Variants in PCSK1 observed in about 807,000 individuals in gnomAD.
PCSK1 encodes the protein neuroendocrine convertase 1.
Under a neutral mutation model 90.6 loss-of-function variants are expected in PCSK1, and 56 were observed. The observed-to-expected ratio is 0.62, with a 90% CI of 0.50 to 0.77. The LOEUF is 0.77. PCSK1 is among the 30% of genes least tolerant of loss of function. The pLI is 0.00. For synonymous variants in PCSK1, 348 were observed against 342.4 expected, an observed-to-expected ratio of 1.02 and a Z score of -0.18; for missense variants, 801 against 932.6, an observed-to-expected ratio of 0.86 and a Z score of 1.84.
intron 7 of PCSK1, 74 bp from the exon 8 acceptor site, chr5:96,411,060 C>A: frequency 9.7e-7 from 1 of 1,029,122 alleles, no homozygotes; most frequent in Non-Finnish European, 1.5e-6. Flanking sequence ...ATAAAATCCC[C>A]AACGACTACA....
In PCSK1 at chr5:96,408,246, G is replaced by C; in HGVS notation, c.1173C>G (p.Ile391Met). 1 of 1,613,996 alleles carries C rather than the reference G, an allele frequency of 6.2e-7. No individual in the cohort carries two copies. Among genetic ancestry groups the C allele is most frequent in the African/African-American group, 1.3e-5 (1 of 75,066 alleles). Residue 391 changes from isoleucine (I) to methionine (M), a missense_variant, in exon 9 of 14, where the codon ATC becomes ATG. Coordinates refer to ENST00000311106, the MANE Select transcript of PCSK1 (RefSeq NM_000439.5). The stretch of plus-strand genomic sequence containing the variant: ...ACTTTGCTTCCAGGGCCAGAGCGAA[G>C]ATGCCAGCAGCCAGAGGTGCAGAGG... ...TSASAPLAAG[I>M]FALALEANPN...
intron 2 of PCSK1, 53 bp from the exon 3 acceptor site, chr5:96,425,983 T>A (rs1424566822): frequency 7.1e-6 from 7 of 983,326 alleles, no homozygotes; most frequent in Non-Finnish European, 1.1e-5. Context: ...TACCTCTGTA[T>A]ACTTCCTCTA....
At chr5:96,411,885 C>T (rs538377235) in intron 7 of PCSK1, among the ~76,000 whole-genome samples, 182 of 152,336 alleles carry the variant, frequency 1.2e-3, no homozygotes, top group African/African-American at 4.3e-3. Context: ...TCTCAGCTCA[C>T]TGCTACCTCC....
At chr5:96,396,453 C>T (rs1231071988) in intron 12 of PCSK1, among the ~76,000 whole-genome samples, 7 of 150,664 alleles carry the variant, frequency 4.6e-5, no homozygotes, top group Admixed American at 1.3e-4. Flanking sequence ...TCCAGCTAGT[C>T]GGGAGGCTGA....
intron 2 of PCSK1, among the ~76,000 whole-genome samples, chr5:96,427,244 C>T (rs1468790028): frequency 6.6e-6 from 1 of 152,182 alleles, no homozygotes; most frequent in Non-Finnish European, 1.5e-5. Context: ...AGAGGAGGCA[C>T]TCTGCCGTCT....
intron 6 of PCSK1, chr5:96,412,858 G>A (rs948482296): frequency 4.4e-6 from 3 of 681,282 alleles, no homozygotes; most frequent in Non-Finnish European, 5.6e-6. Context: ...GAGAGGAAGT[G>A]GCCGTGATTG....
intron 5 of PCSK1, 57 bp from the exon 6 acceptor site, chr5:96,416,178 C>A: frequency 1.7e-6 from 2 of 1,191,932 alleles, no homozygotes. Context: ...ATTTGTTTTG[C>A]ATATGAATGA....
intron 1 of PCSK1, chr5:96,432,102 G>T (rs1301169337): frequency 6.5e-7 from 1 of 1,535,090 alleles, no homozygotes; most frequent in African/African-American, 1.4e-5. Context: ...GAACAAGAAA[G>T]AAATAGATCC....
At chr5:96,428,330 C>A (rs1761383822) in intron 2 of PCSK1, among the ~76,000 whole-genome samples, 1 of 152,102 alleles carries the variant, frequency 6.6e-6, no homozygotes, top group African/African-American at 2.4e-5. Context: ...TTCTAATTCT[C>A]CAGGTTGTCC....
At position 96,399,940 on chromosome 5, in the gene PCSK1, A is replaced by G; in HGVS notation, c.1430+13T>C. 3 of 1,589,814 alleles carry G rather than the reference A, an allele frequency of 1.9e-6. No homozygotes were observed. The highest frequency in any genetic ancestry group is 2.6e-6 in the Non-Finnish European group (3 of 1,157,998). On this transcript the variant is annotated intron_variant, in intron 10 of 13. Coordinates refer to ENST00000311106, the MANE Select transcript of PCSK1 (RefSeq NM_000439.5). ...TGGGCACACATGTGTTTAAAATTCC[A>G]GGAGATACTTACCTGGGCTCAAAGT...
intron 12 of PCSK1, among the ~76,000 whole-genome samples, chr5:96,396,568 A>AAG (rs1296409267): frequency 6.6e-6 from 1 of 152,002 alleles, no homozygotes; most frequent in African/African-American, 2.4e-5. Context: ...TCTCAAAAAA[A>AAG]AAAAAAAAAG....
At chr5:96,393,499 G>T in intron 13 of PCSK1, 121 bp from the exon 14 acceptor site, 1 of 1,174,292 alleles carries the variant, frequency 8.5e-7, no homozygotes, top group South Asian at 1.3e-5. Context: ...GGGGAGGGGA[G>T]AGAGTTCAAG....
Position 96,390,733 on chromosome 5 carries a change from A to G in PCSK1, c.*2268T>C, listed in dbSNP as rs1477154891. Reference sequence around the variant, plus strand: ...AAATATAGTTTAAAATTTCAAGGGAAATAGTATATAAGTTTTCTCTTTGAC... The same window carrying G: ...AAATATAGTTTAAAATTTCAAGGGAGATAGTATATAAGTTTTCTCTTTGAC... On this transcript the variant is annotated 3_prime_UTR_variant, in exon 14 of 14. Coordinates refer to ENST00000311106, the MANE Select transcript of PCSK1 (RefSeq NM_000439.5). 1 of 152,684 alleles carries G rather than the reference A, an allele frequency of 6.5e-6. No homozygotes were observed. The highest frequency in any genetic ancestry group is 1.5e-5 in the Non-Finnish European group (1 of 68,050). 9.5% of individuals were successfully genotyped at this position (152,684 alleles called of 1,614,324 possible). A position where few individuals can be genotyped will look rare whatever the true frequency, so the allele number is the denominator to read the frequency against.
intron 3 of PCSK1, among the ~76,000 whole-genome samples, chr5:96,424,925 T>C (rs1243992191): frequency 6.8e-6 from 1 of 147,242 alleles, no homozygotes; most frequent in East Asian, 2.0e-4. Context: ...ATCATGCCAT[T>C]GCACTCCAGC....
chr5:96,433,046 T>A lies in PCSK1; in HGVS notation c.-4A>T. On this transcript the variant is annotated 5_prime_UTR_variant, in exon 1 of 14. Coordinates refer to ENST00000311106, the MANE Select transcript of PCSK1 (RefSeq NM_000439.5). Reference sequence around the variant, plus strand: ...GACTCCAGGCTCTTCGCTCCATAGCTCACACACTCGCTTGAACAAGAGTGG... The same window carrying A: ...GACTCCAGGCTCTTCGCTCCATAGCACACACACTCGCTTGAACAAGAGTGG... The A allele has an allele frequency of 6.2e-7, 1 of 1,613,772 alleles. No individual in the cohort carries two copies. Among genetic ancestry groups the A allele is most frequent in the South Asian group, 1.1e-5 (1 of 91,070 alleles).
chr5:96,396,212 A>G (rs1295192613), intron 12 of PCSK1, among the ~76,000 whole-genome samples: 1 of 152,226 alleles, frequency 6.6e-6, no homozygotes, highest in Admixed American at 6.5e-5. Context: ...AAACGACTAT[A>G]GAATTTGTAT....
chr5:96,401,083 T>C (rs1384007698), intron 9 of PCSK1, among the ~76,000 whole-genome samples: 1 of 51,584 alleles, frequency 1.9e-5, no homozygotes, highest in Non-Finnish European at 3.1e-5. Context: ...CGGGACTCCG[T>C]CTCAAAAAAA....
At position 96,390,349 on chromosome 5, in the gene PCSK1, G is replaced by C. The variant is rs575092021; in HGVS notation, c.*2652C>G. 27 of 152,248 alleles carry C rather than the reference G, an allele frequency of 1.8e-4. No individual in the cohort carries two copies. Among genetic ancestry groups the C allele is most frequent in the African/African-American group, 5.5e-4 (23 of 41,566 alleles). The allele number at this position is 152,248 out of a possible 1,614,324, so 9.4% of individuals were successfully genotyped here. On this transcript the variant is annotated 3_prime_UTR_variant, in exon 14 of 14. Transcript: ENST00000311106. The stretch of plus-strand genomic sequence containing the variant: ...GAGATCTTGTTTGTGGTGGAAACAT[G>C]AGCTTTTTTTCTTTTGACTTAGTGA...
At chr5:96,427,829 A>T (rs1343163350) in intron 2 of PCSK1, among the ~76,000 whole-genome samples, 1 of 152,176 alleles carries the variant, frequency 6.6e-6, no homozygotes, top group Non-Finnish European at 1.5e-5. Context: ...CCGGGGACTA[A>T]GCCTAGCCAG....
Sources: gnomAD v4.1 joint callset for allele counts (sites outside exome capture counted in the v4.1 genomes callset) on GRCh38, gnomAD v4.1.1 for gene constraint, MANE v1.5 for transcripts, NCBI Gene and HGNC (gene_info 2026-07-23, HGNC 2026-07-21) for gene names.